MAD1L1: variants seen among roughly 807,000 people sequenced by gnomAD.
MAD1L1 encodes mitotic spindle assembly checkpoint protein MAD1.
MAD1L1 carries 95 observed loss-of-function variants against 96.9 expected under a neutral mutation model. The observed-to-expected ratio is 0.98, with a 90% confidence interval of 0.83 to 1.16. The LOEUF (loss-of-function observed/expected upper bound fraction) is 1.16. MAD1L1 is among the 50% of genes most tolerant of loss of function. The pLI is 0.00. For synonymous variants in MAD1L1, 473 were observed against 396.6 expected (o/e 1.19, Z -2.29); for missense variants, 1,007 against 954.4 (o/e 1.06, Z -0.73).
intron 10 of MAD1L1, among the ~76,000 whole-genome samples, chr7:2,163,166 A>G (rs563426066): frequency 7.2e-5 from 11 of 152,356 alleles, no homozygotes; most frequent in African/African-American, 2.6e-4. Context: ...AAACCGGCAC[A>G]TTAAGGATGG....
chr7:2,165,007 T>C (rs1445134964), intron 10 of MAD1L1, among the ~76,000 whole-genome samples: 2 of 152,022 alleles, frequency 1.3e-5, no homozygotes, highest in East Asian at 1.9e-4. Context: ...TAGGGAAAGG[T>C]GACACCTGAG....
At chr7:2,112,691 G>A (rs891543090) in intron 11 of MAD1L1, among the ~76,000 whole-genome samples, 1 of 152,188 alleles carries the variant, frequency 6.6e-6, no homozygotes, top group African/African-American at 2.4e-5. Context: ...GTCCACCGAG[G>A]GGCCCTGGGG....
At chr7:2,129,892 C>T (rs1383501086) in intron 11 of MAD1L1, among the ~76,000 whole-genome samples, 1 of 152,202 alleles carries the variant, frequency 6.6e-6, no homozygotes, top group East Asian at 1.9e-4. Context: ...CAGGTGCAGA[C>T]GGACTCATGG....
intron 12 of MAD1L1, among the ~76,000 whole-genome samples, chr7:2,060,285 C>T (rs779898196): frequency 9.6e-5 from 9 of 94,054 alleles, no homozygotes; most frequent in South Asian, 4.8e-4. Context: ...CGAGATACGC[C>T]GATCCCGAGA....
intron 14 of MAD1L1, among the ~76,000 whole-genome samples, chr7:1,998,352 G>A (rs969825405): frequency 1.3e-5 from 2 of 152,244 alleles, no homozygotes; most frequent in Admixed American, 6.5e-5. Context: ...TGCCTCTGTT[G>A]GACATGGGGA....
In MAD1L1 at chr7:2,098,712, G is replaced by A. The variant is rs148149002; in HGVS notation, c.1074-29374C>T. ...ACTGCTCCAGGAGGCCCAAGGGAGC[G>A]CACTACCACACCCGATAGCTGCCCG... On this transcript the variant is annotated intron_variant, in intron 11 of 18. Coordinates refer to ENST00000265854, the MANE Select transcript of MAD1L1 (RefSeq NM_001013836.2). Among the ~76,000 whole-genome samples the A allele has an allele frequency of 1.9e-3, 295 of 152,182 alleles. 1 individual carries two copies. The highest frequency in any genetic ancestry group is 6.9e-3 in the African/African-American group (287 of 41,520).
intron 15 of MAD1L1, among the ~76,000 whole-genome samples, chr7:1,961,431 A>C (rs1019075844): frequency 6.6e-6 from 1 of 152,272 alleles, no homozygotes; most frequent in African/African-American, 2.4e-5. Flanking sequence ...AAATAGGAGC[A>C]CAAACACAAC....
At position 1,856,415 on chromosome 7, in the gene MAD1L1, C is replaced by T. The variant is rs529731800; in HGVS notation, c.1999-40187G>A. On this transcript the variant is annotated intron_variant, in intron 18 of 18. Transcript: ENST00000265854. ...CTCTGTGGGGGCCCCCTGCCTCCAG[C>T]GGCCCCTGCCGGGGTTGGGGGATGG... Among the ~76,000 whole-genome samples the T allele has an allele frequency of 1.7e-3, 256 of 152,344 alleles. 2 individuals are homozygous for T. Among genetic ancestry groups the T allele is most frequent in the Middle Eastern group, 3.4e-3 (1 of 294 alleles).
At chr7:2,210,206 G>A (rs1364718958) in intron 10 of MAD1L1, among the ~76,000 whole-genome samples, 3 of 152,220 alleles carry the variant, frequency 2.0e-5, no homozygotes, top group East Asian at 1.9e-4. Flanking sequence ...CTGAGTAGCT[G>A]GGACTACAGG....
chr7:2,124,542 A>G (rs1240633897), intron 11 of MAD1L1, among the ~76,000 whole-genome samples: 2 of 152,288 alleles, frequency 1.3e-5, no homozygotes, highest in Admixed American at 1.3e-4. Context: ...CAGCCAACAG[A>G]GGCAGACTGC....
At chr7:2,218,303 C>T (rs912775961) in intron 6 of MAD1L1, among the ~76,000 whole-genome samples, 1 of 152,162 alleles carries the variant, frequency 6.6e-6, no homozygotes, top group Non-Finnish European at 1.5e-5. Flanking sequence ...CGTAGTGAGC[C>T]CAGGCCACCT....
chr7:2,145,726 TTCCCTACCTTGGAA>T (rs1444541087), intron 11 of MAD1L1, among the ~76,000 whole-genome samples: 4 of 152,170 alleles, frequency 2.6e-5, no homozygotes, highest in African/African-American at 9.7e-5. Context: ...CTGGGCGGCC[TTCCCTACCTTGGAA>T]CTCCTCTGGG....
intron 18 of MAD1L1, chr7:1,854,243 C>A (rs143250253): frequency 5.7e-6 from 2 of 352,394 alleles, no homozygotes; most frequent in Non-Finnish European, 1.1e-5. Context: ...CCCGGTGCCT[C>A]GGTGTTGGGT....
Position 1,869,025 on chromosome 7 carries a change from C to T in MAD1L1, c.1998+29175G>A, listed in dbSNP as rs117995419. 1.2e-3 allele frequency among the ~76,000 whole-genome samples: 186 copies of T among 152,316 alleles called. 1 individual carries two copies. Among genetic ancestry groups the T allele is most frequent in the South Asian group, 8.3e-3 (40 of 4,822 alleles). Reference sequence around the variant, plus strand: ...GCTCTGTGAAAGGCAGGCTCTGGCTCGGCAGGCTGGGGTGGGGCCCGAATG... The same window carrying T: ...GCTCTGTGAAAGGCAGGCTCTGGCTTGGCAGGCTGGGGTGGGGCCCGAATG... On this transcript the variant is annotated intron_variant, in intron 18 of 18. Coordinates refer to ENST00000265854, the MANE Select transcript of MAD1L1 (RefSeq NM_001013836.2).
At position 1,860,179 on chromosome 7, in the gene MAD1L1, G is replaced by A. The variant is rs372157728; in HGVS notation, c.1998+38021C>T. On this transcript the variant is annotated intron_variant, in intron 18 of 18. Transcript: ENST00000265854. ...CCCTAGATGTGACATCCTGCGGGGC[G>A]GCCTCTGTGTCCCTAGACCTGACAT... 1.8e-4 allele frequency among the ~76,000 whole-genome samples: 25 copies of A among 137,804 alleles called. 1 individual carries two copies. The South Asian group carries it at 4.4e-3, about 24-fold the overall frequency. 90.4% of individuals were successfully genotyped at this position (137,804 alleles called of 152,430 possible). A position where few individuals can be genotyped will look rare whatever the true frequency, so the allele number is the denominator to read the frequency against.
At chr7:1,892,420 C>T (rs560714473) in intron 18 of MAD1L1, among the ~76,000 whole-genome samples, 24 of 152,326 alleles carry the variant, frequency 1.6e-4, no homozygotes, top group Non-Finnish European at 2.2e-4. Flanking sequence ...TTATTGGAAA[C>T]GCTTGGGACC....
chr7:1,948,662 T>TC (rs750439133), intron 16 of MAD1L1, among the ~76,000 whole-genome samples: 43 of 152,172 alleles, frequency 2.8e-4, no homozygotes, highest in Admixed American at 7.2e-4. Context: ...GATAACAGCC[T>TC]CTGTGGTTCC....
chr7:1,840,954 G>A (rs573358594), intron 18 of MAD1L1, among the ~76,000 whole-genome samples: 9 of 152,342 alleles, frequency 5.9e-5, no homozygotes, highest in East Asian at 1.9e-4. Flanking sequence ...AAACCCTGGC[G>A]GGGCCAGGTG....
chr7:1,868,926 C>A (rs1185680537), intron 18 of MAD1L1, among the ~76,000 whole-genome samples: 4 of 152,180 alleles, frequency 2.6e-5, no homozygotes, highest in Non-Finnish European at 5.9e-5. Context: ...AGCACGGAAG[C>A]GCCGCCTCAC....
Sources: gnomAD v4.1 joint callset for allele counts (sites outside exome capture counted in the v4.1 genomes callset) on GRCh38, gnomAD v4.1.1 for gene constraint, MANE v1.5 for transcripts, NCBI Gene and HGNC (gene_info 2026-07-23, HGNC 2026-07-21) for gene names.